Variants in DISC1 observed in about 807,000 individuals in gnomAD.
DISC1 encodes the protein disrupted in schizophrenia 1 protein.
Under a neutral mutation model 84.5 loss-of-function variants are expected in DISC1, and 57 were observed. That is an observed-to-expected ratio of 0.67 (90% confidence interval 0.55 to 0.84). The LOEUF (loss-of-function observed/expected upper bound fraction) is 0.84. Ranked by LOEUF, DISC1 falls within the 40% of genes least tolerant of loss-of-function variation. DISC1 has a pLI of 0.00. For missense variants in DISC1, 1,000 were observed against 1,057.8 expected, an observed-to-expected ratio of 0.95 and a Z score of 0.76; for synonymous variants, 411 against 415.2, an observed-to-expected ratio of 0.99 and a Z score of 0.12.
chr1:231,895,214 G>T (rs1036440929), intron 9 of DISC1, among the ~76,000 whole-genome samples: 1 of 151,228 alleles, frequency 6.6e-6, no homozygotes, highest in Non-Finnish European at 1.5e-5. Context: ...TTGCTTTAGG[G>T]TTCATTCTAG....
intron 4 of DISC1, among the ~76,000 whole-genome samples, chr1:231,753,763 C>G (rs1027361716): frequency 2.6e-5 from 4 of 152,154 alleles, no homozygotes; most frequent in Non-Finnish European, 5.9e-5. Flanking sequence ...TAAGTTCAAA[C>G]TTTAGGTCAT....
At position 231,889,322 on chromosome 1, in the gene DISC1, C is replaced by A. The variant is rs78404614; in HGVS notation, c.1982-69506C>A. ...CACGCCACCAAGACTAAGACTGAAG[C>A]CTAGGCAAGACTTAGAGTATTTGTG... is the stretch of plus-strand genomic sequence containing the variant. On this transcript the variant is annotated intron_variant, in intron 9 of 12. Coordinates refer to ENST00000439617, the MANE Select transcript of DISC1 (RefSeq NM_018662.3). Among the ~76,000 whole-genome samples, 687 of 152,232 alleles carry A rather than the reference C, an allele frequency of 4.5e-3. 5 individuals carry two copies. The highest frequency in any genetic ancestry group is 0.016 in the African/African-American group (664 of 41,534).
chr1:232,032,328 A>T (rs1670123357), intron 12 of DISC1, among the ~76,000 whole-genome samples: 2 of 152,184 alleles, frequency 1.3e-5, no homozygotes, highest in African/African-American at 2.4e-5. Flanking sequence ...TTCTTATAAA[A>T]ACAGAAGACT....
In DISC1 at chr1:232,009,688, T is replaced by A; in HGVS notation, c.2307+639T>A. 1 of 755,116 alleles carries A rather than the reference T, an allele frequency of 1.3e-6. No individual in the cohort carries two copies. Among genetic ancestry groups the A allele is most frequent in the Non-Finnish European group, 1.6e-6 (1 of 620,122 alleles). 46.8% of individuals were successfully genotyped at this position (755,116 alleles called of 1,614,324 possible). A position where few individuals can be genotyped will look rare whatever the true frequency, so the allele number is the denominator to read the frequency against. On this transcript the variant is annotated intron_variant, in intron 11 of 12. Coordinates refer to ENST00000439617, the MANE Select transcript of DISC1 (RefSeq NM_018662.3). This position sits in a 1 kb window ranked among gnomAD's most constrained non-coding sequence, Gnocchi z 4.6. ...TTCTCTCCCCTCTTTCCTCTCTCCC[T>A]TCCCCTTCCACTCCTCACTTTCCTC...
intron 6 of DISC1, among the ~76,000 whole-genome samples, chr1:231,773,545 C>T (rs900143706): frequency 2.0e-5 from 3 of 151,828 alleles, no homozygotes; most frequent in Admixed American, 2.0e-4. Context: ...CCAGCACACC[C>T]AGCTAATTTT....
intron 3 of DISC1, among the ~76,000 whole-genome samples, chr1:231,716,316 C>CAAAA (rs397861600): frequency 2.5e-4 from 21 of 82,732 alleles, no homozygotes; most frequent in African/African-American, 8.3e-4. Flanking sequence ...TTTCAATCTG[C>CAAAA]AAAAAAAAAA....
In DISC1 at chr1:232,037,479, G is replaced by A. The variant is rs1173128609; in HGVS notation, c.*648G>A. 2.0e-5 allele frequency: 3 copies of A among 152,194 alleles called. No homozygotes were observed. The highest frequency in any genetic ancestry group is 7.2e-5 in the African/African-American group (3 of 41,444). The allele number at this position is 152,194 out of a possible 1,614,324, so 9.4% of individuals were successfully genotyped here. A position where few individuals can be genotyped will look rare whatever the true frequency, so the allele number is the denominator to read the frequency against. ...TCCTTTTGTGGCAATGATTGCATCT[G>A]AAGAAAGGATCCCTGAGAGTCTCTG... On this transcript the variant is annotated 3_prime_UTR_variant, in exon 13 of 13. Coordinates refer to ENST00000439617, the MANE Select transcript of DISC1 (RefSeq NM_018662.3).
intron 1 of DISC1, among the ~76,000 whole-genome samples, chr1:231,633,247 G>A (rs539594439): frequency 2.0e-5 from 3 of 152,248 alleles, no homozygotes; most frequent in Admixed American, 1.3e-4. Context: ...ACATTAGAAA[G>A]GTATCACTTT....
At chr1:231,686,966 CAA>C (rs893628221) in intron 1 of DISC1, among the ~76,000 whole-genome samples, 5 of 152,182 alleles carry the variant, frequency 3.3e-5, no homozygotes, top group African/African-American at 4.8e-5. Flanking sequence ...TAAAACATAA[CAA>C]GAGTCACCTT....
chr1:232,021,080 C>T (rs1226775048), intron 11 of DISC1, among the ~76,000 whole-genome samples: 4 of 152,194 alleles, frequency 2.6e-5, no homozygotes, highest in African/African-American at 9.7e-5. Context: ...GCAATGTTGT[C>T]CTTCAGTCTA....
At chr1:231,976,503 G>A (rs201009973) in intron 10 of DISC1, among the ~76,000 whole-genome samples, 2 of 152,156 alleles carry the variant, frequency 1.3e-5, no homozygotes, top group Non-Finnish European at 2.9e-5. Flanking sequence ...AGTTCACATA[G>A]GATAATAAGA....
chr1:231,885,355 G>T (rs1301036438), intron 9 of DISC1, among the ~76,000 whole-genome samples: 2 of 152,196 alleles, frequency 1.3e-5, no homozygotes, highest in Non-Finnish European at 2.9e-5. Flanking sequence ...CAGAAGTTTT[G>T]AACGCTGAAT....
At chr1:231,805,242 T>C (rs2079610146) in intron 8 of DISC1, among the ~76,000 whole-genome samples, 1 of 152,204 alleles carries the variant, frequency 6.6e-6, no homozygotes, top group African/African-American at 2.4e-5. Flanking sequence ...TTAAAGCCGA[T>C]AGCAAAAGTG....
chr1:231,907,414 G>A (rs1375723863), intron 9 of DISC1, among the ~76,000 whole-genome samples: 1 of 151,398 alleles, frequency 6.6e-6, no homozygotes, highest in Non-Finnish European at 1.5e-5. Context: ...AGAACATGCA[G>A]TGTTTGGTTT....
chr1:231,911,316 G>A (rs1055752785), intron 9 of DISC1, among the ~76,000 whole-genome samples: 4 of 152,126 alleles, frequency 2.6e-5, no homozygotes, highest in African/African-American at 7.2e-5. Flanking sequence ...GCTGGTACTG[G>A]TTGTTCCTTT....
At chr1:232,010,958 A>G (rs1667970688) in intron 11 of DISC1, among the ~76,000 whole-genome samples, 1 of 152,156 alleles carries the variant, frequency 6.6e-6, no homozygotes, top group Admixed American at 6.5e-5. Context: ...TTCAGGAAAG[A>G]ATGGCTGCAG....
At chr1:231,844,963 GTTA>G (rs1366080970) in intron 9 of DISC1, among the ~76,000 whole-genome samples, 2 of 151,600 alleles carry the variant, frequency 1.3e-5, no homozygotes, top group African/African-American at 4.8e-5. Flanking sequence ...AAAAAGAAGA[GTTA>G]TTATCAATAA....
In DISC1 at chr1:231,850,750, A is replaced by T. The variant is rs531001993; in HGVS notation, c.1981+32233A>T. 2.6e-5 allele frequency among the ~76,000 whole-genome samples: 4 copies of T among 152,366 alleles called. No homozygotes were observed. In the East Asian group the frequency reaches 7.7e-4, roughly 29 times the overall value. On this transcript the variant is annotated intron_variant, in intron 9 of 12. Transcript: ENST00000439617. Reference sequence around the variant, plus strand: ...CTATCAGAATTGTTTTAAATATGGTAAAGTGGGGCACTTCTATTTAAAGGG... The same window carrying T: ...CTATCAGAATTGTTTTAAATATGGTTAAGTGGGGCACTTCTATTTAAAGGG...
chr1:231,821,760 C>G (rs922633238), intron 9 of DISC1, among the ~76,000 whole-genome samples: 1 of 147,492 alleles, frequency 6.8e-6, no homozygotes, highest in African/African-American at 2.5e-5. Context: ...GTCACCCAGG[C>G]TGGAGTGTAA....
Sources: allele counts gnomAD v4.1 joint callset (sites outside exome capture counted in the v4.1 genomes callset), GRCh38; gene constraint gnomAD v4.1.1; non-coding constraint Gnocchi (gnomAD v3.1); transcripts MANE v1.5; gene names NCBI Gene and HGNC (gene_info 2026-07-23, HGNC 2026-07-21).